Variants in PKP4 observed in about 807,000 individuals in gnomAD.
PKP4 encodes the protein plakophilin-4.
In PKP4, 90 loss-of-function variants were observed where a neutral mutation model predicts 145.1. The ratio of observed to expected loss-of-function variants is 0.62; its 90% confidence interval spans 0.52 to 0.74. The LOEUF is 0.74. Among genes scored for constraint, PKP4 ranks in the 30% least tolerant of loss-of-function variants. The pLI is 0.00. For missense variants in PKP4, 1,340 were observed against 1,482.7 expected (o/e 0.90, Z 1.58); for synonymous variants, 563 against 577.2 (o/e 0.98, Z 0.35).
chr2:158,625,528 G>GT (rs2052691292), intron 7 of PKP4, 101 bp downstream of exon 7: 1 of 964,022 alleles, frequency 1.0e-6, no homozygotes. Flanking sequence ...GCTCATTCGT[G>GT]TTTTTAATCT....
intron 3 of PKP4, among the ~76,000 whole-genome samples, chr2:158,594,214 C>T (rs2049519044): frequency 6.6e-6 from 1 of 152,124 alleles, no homozygotes; most frequent in Non-Finnish European, 1.5e-5. Context: ...ACTCAAGCCT[C>T]ATGTCCTGTT....
intron 1 of PKP4, among the ~76,000 whole-genome samples, chr2:158,464,467 A>G (rs923377191): frequency 2.0e-5 from 3 of 152,100 alleles, no homozygotes; most frequent in Non-Finnish European, 4.4e-5. Flanking sequence ...CTTTGTGGAG[A>G]AAAAAAATCC....
intron 1 of PKP4, among the ~76,000 whole-genome samples, chr2:158,503,580 C>G (rs561106641): frequency 6.6e-6 from 1 of 152,252 alleles, no homozygotes; most frequent in African/African-American, 2.4e-5. Context: ...TCTTTCATTT[C>G]TCATTGAAAT....
At chr2:158,666,257 G>T (rs1009497167) in intron 15 of PKP4, among the ~76,000 whole-genome samples, 156 bp from the exon 16 acceptor site, 1 of 152,136 alleles carries the variant, frequency 6.6e-6, no homozygotes, top group Non-Finnish European at 1.5e-5. Flanking sequence ...CCCAACTTTG[G>T]TTTTCTCTTC....
intron 1 of PKP4, among the ~76,000 whole-genome samples, chr2:158,509,947 C>CAA (rs11404706): frequency 0.036 from 4,762 of 134,046 alleles, 179 homozygotes; most frequent in East Asian, 0.14. Flanking sequence ...AACTCCATCT[C>CAA]AAAAAAAAAA....
At chr2:158,576,470 A>C (rs187950306) in intron 2 of PKP4, among the ~76,000 whole-genome samples, 1 of 152,178 alleles carries the variant, frequency 6.6e-6, no homozygotes, top group Admixed American at 6.6e-5. Flanking sequence ...TGATCTTTAG[A>C]TATTTTATAA....
Position 158,640,764 on chromosome 2 carries a change from A to C in PKP4, c.1695+5A>C. Reference sequence around the variant, plus strand: ...GACAACAAAGTGAAGATGGAGGTACAGGACATGGTGCCTGGGATGACTGGG... The same window carrying C: ...GACAACAAAGTGAAGATGGAGGTACCGGACATGGTGCCTGGGATGACTGGG... On this transcript the variant is annotated splice_donor_5th_base_variant and intron_variant, in intron 10 of 21. Transcript: ENST00000389759. The C allele has an allele frequency of 1.2e-6, 2 of 1,614,010 alleles. No homozygotes were observed. The highest frequency in any genetic ancestry group is 1.7e-6 in the Non-Finnish European group (2 of 1,179,874).
intron 1 of PKP4, among the ~76,000 whole-genome samples, chr2:158,467,126 T>C (rs1390676641): frequency 4.6e-5 from 7 of 152,224 alleles, no homozygotes; most frequent in Non-Finnish European, 7.3e-5. Context: ...ATATAGTAGA[T>C]AGAAATATTC....
intron 2 of PKP4, among the ~76,000 whole-genome samples, chr2:158,567,578 G>C (rs1453861502): frequency 6.6e-6 from 1 of 152,198 alleles, no homozygotes; most frequent in Non-Finnish European, 1.5e-5. Context: ...AAATGAGGCT[G>C]ACTCTGACTC....
At chr2:158,628,494 T>C (rs1366544275) in intron 7 of PKP4, among the ~76,000 whole-genome samples, 1 of 152,204 alleles carries the variant, frequency 6.6e-6, no homozygotes, top group Non-Finnish European at 1.5e-5. Context: ...TACTATTTAT[T>C]ATGTCATTCA....
chr2:158,531,733 C>T lies in PKP4; in HGVS notation c.-5-1447C>T, dbSNP rs192466513. ...CCAGGGCACTTAGGTTTTCATCCTA[C>T]TCATCTCATGTCTCAGGATCCTTCT... On this transcript the variant is annotated intron_variant, in intron 1 of 21. Coordinates refer to ENST00000389759, the MANE Select transcript of PKP4 (RefSeq NM_003628.6). Among the ~76,000 whole-genome samples, 461 of 152,304 alleles carry T rather than the reference C, an allele frequency of 3.0e-3. 2 individuals carry two copies. Among genetic ancestry groups the T allele is most frequent in the African/African-American group, 9.8e-3 (406 of 41,564 alleles).
chr2:158,469,410 T>C (rs1691203621), intron 1 of PKP4, among the ~76,000 whole-genome samples: 1 of 152,108 alleles, frequency 6.6e-6, no homozygotes, highest in East Asian at 1.9e-4. Flanking sequence ...TTTTCTAAAG[T>C]GATTTTCTTA....
rs2058229719 is a variant in PKP4, at chr2:158,678,768, C to G, written c.3330+114C>G. On this transcript the variant is annotated intron_variant, in intron 21 of 21. Transcript: ENST00000389759. ...AACATGGCAGGGTCCTAGATGCTTT[C>G]CCTGGGGATCTTCACTCCTTGGAAA... 3.5e-5 allele frequency: 26 copies of G among 753,130 alleles called. No individual in the cohort carries two copies. In the South Asian group the frequency reaches 3.8e-4, roughly 11 times the overall value. The allele number at this position is 753,130 out of a possible 1,614,324, so 46.7% of individuals were successfully genotyped here.
chr2:158,475,888 T>C lies in PKP4; in HGVS notation c.-6+18670T>C, dbSNP rs372498538. Among the ~76,000 whole-genome samples, 14 of 152,216 alleles carry C rather than the reference T, an allele frequency of 9.2e-5. 1 individual carries two copies. Among genetic ancestry groups the C allele is most frequent in the Middle Eastern group, 6.3e-3 (2 of 316 alleles). ...AATCACAACCCAATACAGACTGTTA[T>C]GATTCACATAAATTTTCAGATATTT... On this transcript the variant is annotated intron_variant, in intron 1 of 21. Coordinates refer to ENST00000389759, the MANE Select transcript of PKP4 (RefSeq NM_003628.6).
At chr2:158,559,450 G>A (rs3771605) in intron 2 of PKP4, among the ~76,000 whole-genome samples, 52,195 of 151,870 alleles carry the variant, frequency 0.34, 11,230 homozygotes, top group East Asian at 0.63. Flanking sequence ...TCCCTGGGGA[G>A]GGTATGGGCC....
intron 3 of PKP4, among the ~76,000 whole-genome samples, chr2:158,590,949 A>G (rs999310896): frequency 2.6e-5 from 4 of 152,146 alleles, no homozygotes; most frequent in African/African-American, 9.7e-5. Flanking sequence ...ATACGATGCA[A>G]TGAGAAGTAT....
chr2:158,564,463 T>C lies in PKP4; in HGVS notation c.133-12808T>C, dbSNP rs2046809922. Among the ~76,000 whole-genome samples, 3 of 152,334 alleles carry C rather than the reference T, an allele frequency of 2.0e-5. No homozygotes were observed. The South Asian group carries it at 6.2e-4, about 32-fold the overall frequency. On this transcript the variant is annotated intron_variant, in intron 2 of 21. Coordinates refer to ENST00000389759, the MANE Select transcript of PKP4 (RefSeq NM_003628.6). ...TTGTTTCAAATGATGCTGCAATTAC[T>C]GTTTAATATATACCATTGCTTTTAT...
At chr2:158,465,307 A>G (rs963014936) in intron 1 of PKP4, among the ~76,000 whole-genome samples, 2 of 152,204 alleles carry the variant, frequency 1.3e-5, no homozygotes, top group African/African-American at 4.8e-5. Flanking sequence ...AGAGATATGC[A>G]CTAACCACTC....
Position 158,661,465 on chromosome 2 carries a change from G to C in PKP4, c.2211+15G>C. Reference sequence around the variant, plus strand: ...ACGACAGCAAGGTCAGTGCCGGCCTGGTTGCAGGAGGGCGTGGTGGCAGGT... The same window carrying C: ...ACGACAGCAAGGTCAGTGCCGGCCTCGTTGCAGGAGGGCGTGGTGGCAGGT... On this transcript the variant is annotated intron_variant, in intron 13 of 21. Transcript: ENST00000389759. 1 of 1,531,022 alleles carries C rather than the reference G, an allele frequency of 6.5e-7. No homozygotes were observed. The highest frequency in any genetic ancestry group is 9.0e-7 in the Non-Finnish European group (1 of 1,105,742). 94.8% of individuals were successfully genotyped at this position (1,531,022 alleles called of 1,614,324 possible). A position where few individuals can be genotyped will look rare whatever the true frequency, so the allele number is the denominator to read the frequency against.
Sources: gnomAD v4.1 joint callset for allele counts (sites outside exome capture counted in the v4.1 genomes callset) on GRCh38, gnomAD v4.1.1 for gene constraint, MANE v1.5 for transcripts, NCBI Gene and HGNC (gene_info 2026-07-23, HGNC 2026-07-21) for gene names.